The following CA13 variants were observed in gnomAD, a reference collection of about 807,000 sequenced individuals.
CA13 encodes the protein carbonic anhydrase 13.
Under a neutral mutation model 31.5 loss-of-function variants are expected in CA13, and 21 were observed. The observed-to-expected ratio is 0.67, with a 90% CI of 0.47 to 0.96. The LOEUF is 0.96. Among genes scored for constraint, CA13 ranks in the 40% least tolerant of loss-of-function variants. The pLI, the probability that CA13 is intolerant of heterozygous loss-of-function variation, is 0.00. For missense variants in CA13, 315 were observed against 318.9 expected (o/e 0.99, Z 0.09); for synonymous variants, 117 against 111.4 (o/e 1.05, Z -0.32).
rs202037895 is a variant in CA13, at chr8:85,250,731, A to G, written c.38-9A>G. On this transcript the variant is annotated splice_polypyrimidine_tract_variant and intron_variant, in intron 1 of 6. Coordinates refer to ENST00000321764, the MANE Select transcript of CA13 (RefSeq NM_198584.3). ...TTTAATCCTTTTCTTTTGGTCCTAT[A>G]TATTTAAGGTCCTATTCACTGGAAG... is the stretch of plus-strand genomic sequence containing the variant. The G allele has an allele frequency of 1.4e-5, 22 of 1,567,628 alleles. No homozygotes were observed. Among genetic ancestry groups the G allele is most frequent in the Middle Eastern group, 1.7e-4 (1 of 5,982 alleles).
chr8:85,266,746 A>G (rs773908431), intron 4 of CA13, 43 bp downstream of exon 4: 204 of 1,459,768 alleles, frequency 1.4e-4, no homozygotes, highest in Non-Finnish European at 1.8e-4. Flanking sequence ...AGCCTTGTTG[A>G]AGAAAGAGCT....
intron 6 of CA13, among the ~76,000 whole-genome samples, chr8:85,276,266 C>A (rs1320237080): frequency 3.3e-5 from 5 of 152,212 alleles, no homozygotes; most frequent in South Asian, 4.1e-4. Context: ...CCCCCCGGGG[C>A]AGGGCTCGGG....
chr8:85,270,497 A>G (rs1807514915), intron 6 of CA13, among the ~76,000 whole-genome samples: 1 of 152,232 alleles, frequency 6.6e-6, no homozygotes, highest in Non-Finnish European at 1.5e-5. Context: ...CTATCATTGT[A>G]TCATGAGAAA....
At chr8:85,272,412 C>G (rs562810294) in intron 6 of CA13, among the ~76,000 whole-genome samples, 1 of 151,860 alleles carries the variant, frequency 6.6e-6, no homozygotes, top group Non-Finnish European at 1.5e-5. Context: ...TGCATCACCA[C>G]GCCTGGCCAA....
intron 6 of CA13, among the ~76,000 whole-genome samples, chr8:85,273,990 G>A (rs1258510671): frequency 6.6e-6 from 1 of 151,832 alleles, no homozygotes; most frequent in East Asian, 2.0e-4. Flanking sequence ...TACCCGGACG[G>A]CCTCCGTCTC....
At chr8:85,279,191 A>G (rs1026043199) in intron 6 of CA13, among the ~76,000 whole-genome samples, 1 of 152,234 alleles carries the variant, frequency 6.6e-6, no homozygotes, top group Non-Finnish European at 1.5e-5. Flanking sequence ...CTTCAGCCTC[A>G]AGGCTGAACT....
intron 6 of CA13, among the ~76,000 whole-genome samples, chr8:85,280,902 A>G (rs913688491): frequency 1.3e-5 from 2 of 152,202 alleles, no homozygotes; most frequent in African/African-American, 4.8e-5. Context: ...GTATGTATGT[A>G]TGTGTGTTTA....
chr8:85,261,783 C>G (rs1173355461), intron 3 of CA13, among the ~76,000 whole-genome samples: 1 of 152,084 alleles, frequency 6.6e-6, no homozygotes, highest in Non-Finnish European at 1.5e-5. Context: ...AACAAAGAAA[C>G]TATGACCAGC....
At chr8:85,246,567 T>C (rs1258896883) in intron 1 of CA13, 2 of 453,612 alleles carry the variant, frequency 4.4e-6, no homozygotes, top group African/African-American at 4.0e-5. Flanking sequence ...GAAATTATAA[T>C]TCATTGATAG....
chr8:85,247,110 T>A (rs923573265), intron 1 of CA13, among the ~76,000 whole-genome samples: 1 of 152,194 alleles, frequency 6.6e-6, no homozygotes, highest in Non-Finnish European at 1.5e-5. Context: ...TCTTCTTGAT[T>A]AAGGCCATAA....
In CA13 at chr8:85,250,896, A is replaced by T; in HGVS notation, c.194A>T (p.His65Leu). Residue 65 changes from histidine to leucine, a missense_variant, in exon 2 of 7, where the codon CAT becomes CTT. Coordinates refer to ENST00000321764, the MANE Select transcript of CA13 (RefSeq NM_198584.3). ...GCTAAAATCATCAGCAACAGCGGCC[A>T]TTCCTTCAATGTTGACTTTGATGAC... ...SSAKIISNSG[H>L]SFNVDFDDTE... 1 of 1,613,848 alleles carries T rather than the reference A, an allele frequency of 6.2e-7. No individual in the cohort carries two copies. The highest frequency in any genetic ancestry group is 8.5e-7 in the Non-Finnish European group (1 of 1,179,972).
intron 3 of CA13, among the ~76,000 whole-genome samples, chr8:85,263,013 G>T (rs1432789498): frequency 1.3e-5 from 2 of 152,160 alleles, no homozygotes; most frequent in Non-Finnish European, 2.9e-5. Flanking sequence ...TGGTAGAGTG[G>T]CTGAGGGCTT....
In CA13 at chr8:85,268,553, C is replaced by T. The variant is rs768236624; in HGVS notation, c.595C>T (p.Leu199Phe). 1.2e-6 allele frequency: 2 copies of T among 1,614,024 alleles called. No individual in the cohort carries two copies. The highest frequency in any genetic ancestry group is 1.7e-6 in the Non-Finnish European group (2 of 1,179,944). The change falls in exon 6 of 7, where the codon CTT becomes TTT. Residue 199 changes from leucine (L) to phenylalanine (F), a missense_variant. Transcript: ENST00000321764. ...GGACTACTGGACATATCCTGGTTCT[C>T]TTACAGTTCCACCTCTTCTTGAGAG... ...SWDYWTYPGSLTVPPLLESVT... is the reference protein window; with the variant it reads ...SWDYWTYPGSFTVPPLLESVT...
intron 2 of CA13, among the ~76,000 whole-genome samples, chr8:85,257,952 C>G (rs1028154094): frequency 1.9e-4 from 28 of 148,022 alleles, no homozygotes; most frequent in African/African-American, 6.6e-4. Context: ...TATATAATAT[C>G]TCTGTATACA....
chr8:85,276,194 G>T (rs936741058), intron 6 of CA13, among the ~76,000 whole-genome samples: 3 of 152,304 alleles, frequency 2.0e-5, no homozygotes, highest in African/African-American at 7.2e-5. Context: ...GCAGTTAGGG[G>T]CTTAGCACCT....
chr8:85,258,780 A>AAG (rs1807337499), intron 2 of CA13, among the ~76,000 whole-genome samples: 1 of 150,252 alleles, frequency 6.7e-6, no homozygotes, highest in Non-Finnish European at 1.5e-5. Context: ...AAAAAAAAAA[A>AAG]AAAAAAAAGG....
chr8:85,267,021 A>G (rs1367317480), intron 4 of CA13, among the ~76,000 whole-genome samples: 1 of 152,226 alleles, frequency 6.6e-6, no homozygotes, highest in African/African-American at 2.4e-5. Flanking sequence ...TTAGGACAGA[A>G]TAAAGTTCAA....
chr8:85,251,063 G>A (rs1190134791), intron 2 of CA13, 126 bp downstream of exon 2: 11 of 800,578 alleles, frequency 1.4e-5, no homozygotes, highest in South Asian at 1.8e-5. Flanking sequence ...GTGTAGTGGC[G>A]CGATCTTGGC....
Position 85,246,185 on chromosome 8 carries a change from T to G in CA13, c.37+320T>G, listed in dbSNP as rs531333809. The G allele has an allele frequency of 2.2e-4, 110 of 509,330 alleles. 2 individuals are homozygous for G. The South Asian group carries it at 2.2e-3, about 10-fold the overall frequency. The allele number at this position is 509,330 out of a possible 1,614,324, so 31.6% of individuals were successfully genotyped here. A position where few individuals can be genotyped will look rare whatever the true frequency, so the allele number is the denominator to read the frequency against. ...GACTTTGCCTAGTAACAGCCACGTA[T>G]CAATTACAGGCTTGGAGATCAGAAG... On this transcript the variant is annotated intron_variant, in intron 1 of 6. Coordinates refer to ENST00000321764, the MANE Select transcript of CA13 (RefSeq NM_198584.3).
Sources: gnomAD v4.1 joint callset for allele counts (sites outside exome capture counted in the v4.1 genomes callset) on GRCh38, gnomAD v4.1.1 for gene constraint, MANE v1.5 for transcripts, NCBI Gene and HGNC (gene_info 2026-07-23, HGNC 2026-07-21) for gene names.